SGCZ: variants seen among roughly 807,000 people sequenced by gnomAD.
The protein encoded by SGCZ is zeta-sarcoglycan.
In SGCZ, 40 loss-of-function variants were observed where a neutral mutation model predicts 41.3. The observed-to-expected ratio is 0.97, with a 90% confidence interval of 0.75 to 1.26. The LOEUF (loss-of-function observed/expected upper bound fraction) is 1.26. Ranked by LOEUF, SGCZ falls within the 50% of genes most tolerant of loss-of-function variation. The pLI is 0.00. For missense variants in SGCZ, 552 were observed against 369.8 expected, an observed-to-expected ratio of 1.49 and a Z score of -4.04; for synonymous variants, 206 against 137.5, an observed-to-expected ratio of 1.50 and a Z score of -3.49.
At chr8:14,694,869 C>G (rs1808907042) in intron 1 of SGCZ, among the ~76,000 whole-genome samples, 1 of 152,010 alleles carries the variant, frequency 6.6e-6, no homozygotes, top group Non-Finnish European at 1.5e-5. Context: ...TAGTTTGTGT[C>G]TTCAAAAATC....
At chr8:14,602,806 A>G (rs1805635155) in intron 1 of SGCZ, among the ~76,000 whole-genome samples, 1 of 152,184 alleles carries the variant, frequency 6.6e-6, no homozygotes, top group Non-Finnish European at 1.5e-5. Flanking sequence ...CTATGCATAT[A>G]TGGCATCTTC....
intron 2 of SGCZ, among the ~76,000 whole-genome samples, chr8:14,366,873 T>G (rs1247754426): frequency 6.6e-6 from 1 of 152,150 alleles, no homozygotes; most frequent in Non-Finnish European, 1.5e-5. Flanking sequence ...TCTGGGCCTG[T>G]GATGGGAGGG....
intron 2 of SGCZ, among the ~76,000 whole-genome samples, chr8:14,414,626 C>T (rs1397569268): frequency 6.6e-6 from 1 of 151,862 alleles, no homozygotes; most frequent in Admixed American, 6.6e-5. Flanking sequence ...GATATGTCAC[C>T]TCCAACCAAT....
intron 5 of SGCZ, among the ~76,000 whole-genome samples, chr8:14,125,503 C>A (rs1023649593): frequency 6.6e-4 from 78 of 118,360 alleles, no homozygotes; most frequent in African/African-American, 9.8e-4. Context: ...GATTCCGTCT[C>A]AAAAAAAAAA....
chr8:14,969,313 CAG>C (rs1801219751), intron 1 of SGCZ, among the ~76,000 whole-genome samples: 1 of 152,144 alleles, frequency 6.6e-6, no homozygotes, highest in African/African-American at 2.4e-5. Flanking sequence ...CTATCTGTTG[CAG>C]AGGACTACAC....
chr8:15,126,784 A>C (rs1807705890), intron 1 of SGCZ, among the ~76,000 whole-genome samples: 1 of 152,074 alleles, frequency 6.6e-6, no homozygotes, highest in Admixed American at 6.5e-5. Flanking sequence ...AGGATGACTG[A>C]AGCATTGGGC....
At chr8:14,135,712 C>T (rs1294356570) in intron 5 of SGCZ, among the ~76,000 whole-genome samples, 1 of 152,136 alleles carries the variant, frequency 6.6e-6, no homozygotes, top group Non-Finnish European at 1.5e-5. Context: ...CTGGAGAATT[C>T]TACCAAACAT....
Position 14,849,157 on chromosome 8 carries a change from T to C in SGCZ, c.40-294231A>G, listed in dbSNP as rs553267981. On this transcript the variant is annotated intron_variant, in intron 1 of 7. Coordinates refer to ENST00000382080, the MANE Select transcript of SGCZ (RefSeq NM_139167.4). ...ACTCACATACTAGAATATCTAAAATTAAAGAGACTGCTTGTGTCGACCAGT... is the reference window on the plus strand; with the variant it reads ...ACTCACATACTAGAATATCTAAAATCAAAGAGACTGCTTGTGTCGACCAGT... 3.3e-5 allele frequency among the ~76,000 whole-genome samples: 5 copies of C among 152,246 alleles called. No individual in the cohort carries two copies. In the South Asian group the frequency reaches 1.0e-3, roughly 32 times the overall value.
At chr8:14,546,747 G>A (rs1585067323) in intron 2 of SGCZ, among the ~76,000 whole-genome samples, 1 of 152,096 alleles carries the variant, frequency 6.6e-6, no homozygotes, top group Non-Finnish European at 1.5e-5. Context: ...TGAAAGCACG[G>A]AGTTATACCA....
chr8:14,653,583 C>A (rs1181629821), intron 1 of SGCZ, among the ~76,000 whole-genome samples: 1 of 152,082 alleles, frequency 6.6e-6, no homozygotes, highest in Non-Finnish European at 1.5e-5. Flanking sequence ...CCAATGTTTA[C>A]CTTTCTCTGG....
intron 1 of SGCZ, among the ~76,000 whole-genome samples, chr8:14,726,642 T>C (rs1461165184): frequency 6.6e-6 from 1 of 151,830 alleles, no homozygotes; most frequent in Non-Finnish European, 1.5e-5. Flanking sequence ...TAACTATGTA[T>C]CAGAAATTGG....
rs115125110 is a variant in SGCZ, at chr8:14,628,865, G to T, written c.40-73939C>A. 8.8e-3 allele frequency among the ~76,000 whole-genome samples: 1,345 copies of T among 152,154 alleles called. 19 individuals carry two copies. The highest frequency in any genetic ancestry group is 0.031 in the African/African-American group (1,270 of 41,538). On this transcript the variant is annotated intron_variant, in intron 1 of 7. Coordinates refer to ENST00000382080, the MANE Select transcript of SGCZ (RefSeq NM_139167.4). ...CTACACAGCCTGGACCTTTTGGTGT[G>T]GTTCTCATAATTCCTAGCCACACTA...
intron 1 of SGCZ, among the ~76,000 whole-genome samples, chr8:15,058,823 C>T (rs972704886): frequency 1.3e-5 from 2 of 152,002 alleles, no homozygotes; most frequent in Non-Finnish European, 2.9e-5. Flanking sequence ...TTTACAACTG[C>T]AATTGGAAAA....
chr8:14,784,586 A>C (rs941923236), intron 1 of SGCZ, among the ~76,000 whole-genome samples: 1 of 151,942 alleles, frequency 6.6e-6, no homozygotes, highest in African/African-American at 2.4e-5. Flanking sequence ...CTCCTTAGAC[A>C]AGGAGAATGA....
rs144114746 is a variant in SGCZ at position 14,541,739 on chromosome 8, C to A, written c.234+12993G>T. Among the ~76,000 whole-genome samples, 14 of 152,228 alleles carry A rather than the reference C, an allele frequency of 9.2e-5. No homozygotes were observed. The East Asian group carries it at 2.5e-3, about 27-fold the overall frequency. On this transcript the variant is annotated intron_variant, in intron 2 of 7. Coordinates refer to ENST00000382080, the MANE Select transcript of SGCZ (RefSeq NM_139167.4). ...TCCACAATGGTTGAACTAATTTACACTCCCATTAACAGTGTAAAAGCAGTC... is the reference window on the plus strand; with the variant it reads ...TCCACAATGGTTGAACTAATTTACAATCCCATTAACAGTGTAAAAGCAGTC...
intron 2 of SGCZ, among the ~76,000 whole-genome samples, chr8:14,508,587 A>C: frequency 6.6e-6 from 1 of 152,142 alleles, no homozygotes; most frequent in East Asian, 1.9e-4. Flanking sequence ...GGGAAAATGA[A>C]AATTCCATAA....
At chr8:14,377,766 G>A (rs1446789745) in intron 2 of SGCZ, among the ~76,000 whole-genome samples, 2 of 151,290 alleles carry the variant, frequency 1.3e-5, no homozygotes, top group African/African-American at 2.4e-5. Context: ...ACCTATGAGT[G>A]AGAATATGCG....
At chr8:14,310,304 G>C (rs1191156377) in intron 3 of SGCZ, among the ~76,000 whole-genome samples, 1 of 151,968 alleles carries the variant, frequency 6.6e-6, no homozygotes, top group Non-Finnish European at 1.5e-5. Flanking sequence ...ATGACAGAAA[G>C]GTGGAATAAA....
At position 14,088,573 on chromosome 8, in the gene SGCZ, CTT is replaced by C. The variant is rs1224773338; in HGVS notation, c.*1868_*1869del. On this transcript the variant is annotated 3_prime_UTR_variant, in exon 8 of 8. Coordinates refer to ENST00000382080, the MANE Select transcript of SGCZ (RefSeq NM_139167.4). Reference sequence around the variant, plus strand: ...CTCTTATTTTAATATAAATTAAACTCTTGTGTTATAACTTTGTAAGCAATCGT... The same window carrying C: ...CTCTTATTTTAATATAAATTAAACTCGTGTTATAACTTTGTAAGCAATCGT... Among the ~76,000 whole-genome samples the C allele has an allele frequency of 9.9e-5, 15 of 151,834 alleles. No individual in the cohort carries two copies. The highest frequency in any genetic ancestry group is 2.1e-4 in the South Asian group (1 of 4,828).
Sources: gnomAD v4.1 joint callset for allele counts (sites outside exome capture counted in the v4.1 genomes callset) on GRCh38, gnomAD v4.1.1 for gene constraint, MANE v1.5 for transcripts, NCBI Gene and HGNC (gene_info 2026-07-23, HGNC 2026-07-21) for gene names.